RALYL: variants seen among roughly 807,000 people sequenced by gnomAD.
The protein encoded by RALYL is RNA-binding Raly-like protein.
A neutral mutation model predicts 35.1 loss-of-function variants in RALYL; 29 were observed. The observed-to-expected ratio is 0.83, with a 90% CI of 0.61 to 1.13. The LOEUF (loss-of-function observed/expected upper bound fraction) is 1.13. Ranked by LOEUF, RALYL falls within the 50% of genes most tolerant of loss-of-function variation. The pLI is 0.00. For missense variants in RALYL, 359 were observed against 360.4 expected (o/e 1.00, Z 0.03); for synonymous variants, 120 against 127.6 (o/e 0.94, Z 0.40).
chr8:84,641,788 T>TAAA (rs59556525), intron 2 of RALYL, among the ~76,000 whole-genome samples: 4,976 of 119,082 alleles, frequency 0.042, 218 homozygotes, highest in African/African-American at 0.1. Context: ...GTCTTATTTG[T>TAAA]AAAAAAAAAA....
intron 1 of RALYL, among the ~76,000 whole-genome samples, chr8:84,258,068 A>C (rs1831521996): frequency 6.6e-6 from 1 of 152,136 alleles, no homozygotes; most frequent in South Asian, 2.1e-4. Context: ...CAGTTCTTGA[A>C]CTTGGAAACA....
intron 1 of RALYL, among the ~76,000 whole-genome samples, chr8:84,452,064 C>T (rs1482070966): frequency 2.0e-5 from 3 of 151,842 alleles, no homozygotes; most frequent in Admixed American, 6.6e-5. Context: ...GTTCCTTGAC[C>T]CATTTAATAA....
At chr8:84,206,394 C>T (rs1461480272) in intron 1 of RALYL, among the ~76,000 whole-genome samples, 2 of 152,016 alleles carry the variant, frequency 1.3e-5, no homozygotes, top group African/African-American at 4.8e-5. Context: ...CTCAGTCACT[C>T]AAAAGCTCCT....
chr8:84,359,796 G>T (rs2131235997), intron 1 of RALYL, among the ~76,000 whole-genome samples: 1 of 151,566 alleles, frequency 6.6e-6, no homozygotes, highest in Middle Eastern at 3.4e-3. Context: ...TACTAGACCT[G>T]CCCTGTGTTA....
chr8:84,314,501 C>CA (rs1174215319), intron 1 of RALYL, among the ~76,000 whole-genome samples: 1 of 150,876 alleles, frequency 6.6e-6, no homozygotes, highest in African/African-American at 2.4e-5. Flanking sequence ...AATGTCATAC[C>CA]AAAAAAGATC....
chr8:84,677,899 T>A (rs1834537770), intron 2 of RALYL, among the ~76,000 whole-genome samples: 1 of 152,218 alleles, frequency 6.6e-6, no homozygotes, highest in Non-Finnish European at 1.5e-5. Context: ...AGAAATAAAC[T>A]TATGTACATC....
chr8:84,863,396 C>A (rs1466231810), intron 6 of RALYL, among the ~76,000 whole-genome samples: 1 of 152,094 alleles, frequency 6.6e-6, no homozygotes, highest in Admixed American at 6.6e-5. Context: ...AGAGCCGAGC[C>A]AGAGAGAGAA....
intron 2 of RALYL, among the ~76,000 whole-genome samples, chr8:84,774,236 G>A (rs535271112): frequency 1.6e-4 from 24 of 152,106 alleles, no homozygotes; most frequent in African/African-American, 5.5e-4. Flanking sequence ...AAAAAGAAAA[G>A]CATTTTTGAT....
chr8:84,644,308 C>G (rs1827018675), intron 2 of RALYL, among the ~76,000 whole-genome samples: 1 of 151,976 alleles, frequency 6.6e-6, no homozygotes, highest in African/African-American at 2.4e-5. Flanking sequence ...GGTAACAAAA[C>G]AGGTTAAATT....
intron 1 of RALYL, among the ~76,000 whole-genome samples, chr8:84,394,019 T>A (rs1347366445): frequency 1.3e-5 from 2 of 152,118 alleles, no homozygotes; most frequent in African/African-American, 2.4e-5. Flanking sequence ...CCATATCCAC[T>A]TTAAAATCCT....
intron 5 of RALYL, 51 bp from the exon 6 acceptor site, chr8:84,862,245 A>G: frequency 7.2e-7 from 1 of 1,383,014 alleles, no homozygotes; most frequent in Non-Finnish European, 9.5e-7. Flanking sequence ...CATATTTGAT[A>G]GAACTCTCGG....
At chr8:84,519,077 T>C (rs116883108) in intron 1 of RALYL, among the ~76,000 whole-genome samples, 2 of 152,292 alleles carry the variant, frequency 1.3e-5, no homozygotes, top group East Asian at 1.9e-4. Flanking sequence ...TGTCTTCATA[T>C]ACTACATCAA....
chr8:84,625,013 A>G (rs188077010), intron 2 of RALYL, among the ~76,000 whole-genome samples: 83 of 152,350 alleles, frequency 5.4e-4, no homozygotes, highest in Non-Finnish European at 1.1e-3. Context: ...GTACACAGAA[A>G]CTGGAGTTTA....
intron 2 of RALYL, among the ~76,000 whole-genome samples, chr8:84,599,881 A>T (rs987528469): frequency 6.7e-6 from 1 of 148,998 alleles, no homozygotes; most frequent in Non-Finnish European, 1.5e-5. Flanking sequence ...TTGCGGAGGG[A>T]TGTGAGAAAC....
At chr8:84,205,446 C>A (rs911299036) in intron 1 of RALYL, among the ~76,000 whole-genome samples, 13 of 152,248 alleles carry the variant, frequency 8.5e-5, no homozygotes, top group African/African-American at 3.1e-4. Context: ...AGACAGGATT[C>A]CAAAAGGTAT....
chr8:84,450,911 C>T (rs2133184920), intron 1 of RALYL, among the ~76,000 whole-genome samples: 1 of 152,078 alleles, frequency 6.6e-6, no homozygotes, highest in African/African-American at 2.4e-5. Context: ...TCTTTTTACA[C>T]ATTTCTACTT....
chr8:84,583,449 T>C (rs1215643840), intron 2 of RALYL, among the ~76,000 whole-genome samples: 1 of 152,182 alleles, frequency 6.6e-6, no homozygotes, highest in Non-Finnish European at 1.5e-5. Flanking sequence ...TACAGCCAAG[T>C]GTATTCAATA....
chr8:84,828,701 A>G, intron 4 of RALYL: 1 of 182,776 alleles, frequency 5.5e-6, no homozygotes, highest in Non-Finnish European at 1.3e-5. Context: ...TTGCTTAGCA[A>G]ACTACAAGTT....
At chr8:84,892,060 T>C (rs1314376676) in intron 8 of RALYL, among the ~76,000 whole-genome samples, 3 of 152,164 alleles carry the variant, frequency 2.0e-5, no homozygotes, top group Non-Finnish European at 2.9e-5. Context: ...CTGTAGGTGG[T>C]GGTGCCCCTT....
Sources: allele counts gnomAD v4.1 joint callset (sites outside exome capture counted in the v4.1 genomes callset), GRCh38; gene constraint gnomAD v4.1.1; transcripts MANE v1.5; gene names NCBI Gene and HGNC (gene_info 2026-07-23, HGNC 2026-07-21).